Variants in IQCE observed in about 807,000 individuals in gnomAD.
The protein encoded by IQCE is IQ domain-containing protein E.
Under a neutral mutation model 96.0 loss-of-function variants are expected in IQCE, and 115 were observed. The ratio of observed to expected loss-of-function variants is 1.20; its 90% confidence interval spans 1.03 to 1.40. The LOEUF (loss-of-function observed/expected upper bound fraction) is 1.40. IQCE is among the 40% of genes most tolerant of loss of function. IQCE has a pLI of 0.00. For missense variants in IQCE, 1,041 were observed against 909.1 expected (o/e 1.15, Z -1.87); for synonymous variants, 412 against 371.2 (o/e 1.11, Z -1.26).
In IQCE at chr7:2,559,000, A is replaced by C. The variant is rs1182730532; in HGVS notation, c.-182A>C. ...CTCTGCGCACGCGCATGGTCGCCCC[A>C]GGGGGAACGCAGGTCGCTTACCCGG... On this transcript the variant is annotated 5_prime_UTR_variant, in exon 1 of 22. Transcript: ENST00000402050. 2 of 322,230 alleles carry C rather than the reference A, an allele frequency of 6.2e-6. No homozygotes were observed. Among genetic ancestry groups the C allele is most frequent in the Non-Finnish European group, 5.6e-6 (1 of 180,126 alleles). The allele number at this position is 322,230 out of a possible 1,614,324, so 20.0% of individuals were successfully genotyped here. A position where few individuals can be genotyped will look rare whatever the true frequency, so the allele number is the denominator to read the frequency against.
rs77267206 is a variant in IQCE, at chr7:2,610,131, C to T, written c.2057C>T (p.Pro686Leu). 0.017 allele frequency: 27,760 copies of T among 1,610,286 alleles called. 311 individuals carry two copies. Among genetic ancestry groups the T allele is most frequent in the South Asian group, 0.026 (2,376 of 90,998 alleles). ...GATTCCGACGATATTGTCATTGCACCGTCTCTGCCCACGAAGAACTTTCCA... is the reference window on the plus strand; with the variant it reads ...GATTCCGACGATATTGTCATTGCACTGTCTCTGCCCACGAAGAACTTTCCA... The part of the protein sequence containing the change: ...SDDSDDIVIA[P>L]SLPTKNFPV The change falls in exon 22 of 22, where the codon CCG (proline) becomes CTG (leucine). Residue 686 changes from proline to leucine, a missense_variant. Pro to Leu is a moderately conservative substitution (Grantham distance 98). Transcript: ENST00000402050.
Position 2,563,379 on chromosome 7 carries a change from G to GTGTGTGTGTGTA in IQCE, c.37-3726_37-3725insATGTGTGTGTGT, listed in dbSNP as rs1487510327. Among the ~76,000 whole-genome samples the GTGTGTGTGTGTA allele has an allele frequency of 2.8e-3, 410 of 147,730 alleles. 5 individuals carry two copies. The highest frequency in any genetic ancestry group is 0.015 in the South Asian group (65 of 4,480). ...GCCCAGCTAATTAATTTTTTGTTGTGTGTGTGTGTGTGTGTGTGTGTGTGT... is the reference window on the plus strand; with the variant it reads ...GCCCAGCTAATTAATTTTTTGTTGTGTGTGTGTGTGTATGTGTGTGTGTGTGTGTGTGTGTGT... On this transcript the variant is annotated intron_variant, in intron 1 of 21. Coordinates refer to ENST00000402050, the MANE Select transcript of IQCE (RefSeq NM_152558.5).
chr7:2,605,158 G>C (rs1262413902), intron 19 of IQCE, among the ~76,000 whole-genome samples, 167 bp downstream of exon 19: 2 of 152,204 alleles, frequency 1.3e-5, no homozygotes, highest in Non-Finnish European at 2.9e-5. Context: ...AGGCTTCTCT[G>C]CGCAGGCCCC....
At chr7:2,603,766 A>G (rs945855770) in intron 18 of IQCE, among the ~76,000 whole-genome samples, 2 of 150,108 alleles carry the variant, frequency 1.3e-5, no homozygotes, top group African/African-American at 4.9e-5. Flanking sequence ...CTCTTTTCCC[A>G]CCCTAGCTTT....
At chr7:2,594,820 G>A in intron 15 of IQCE, 66 bp from the exon 16 acceptor site, 1 of 1,156,312 alleles carries the variant, frequency 8.6e-7, no homozygotes, top group Non-Finnish European at 1.3e-6. Flanking sequence ...GCCCCACCCT[G>A]CCCTGTGCCG....
intron 18 of IQCE, 60 bp downstream of exon 18, chr7:2,601,524 G>A (rs749580800): frequency 1.7e-6 from 2 of 1,175,050 alleles, no homozygotes; most frequent in South Asian, 1.2e-5. Context: ...AAAAGTAGGT[G>A]AGGGGATATT....
chr7:2,562,988 C>CA (rs1781080352), intron 1 of IQCE, among the ~76,000 whole-genome samples: 1 of 152,098 alleles, frequency 6.6e-6, no homozygotes, highest in African/African-American at 2.4e-5. Context: ...AGCAGTGGCA[C>CA]AATCACAGCT....
intron 21 of IQCE, chr7:2,607,686 G>T (rs1158517656): frequency 2.7e-6 from 1 of 370,726 alleles, no homozygotes; most frequent in East Asian, 1.0e-4. Context: ...AGCAGGCCCT[G>T]CCTTTCTCTG....
chr7:2,578,548 C>A, intron 8 of IQCE, 22 bp downstream of exon 8: 1 of 1,613,580 alleles, frequency 6.2e-7, no homozygotes, highest in Non-Finnish European at 8.5e-7. Context: ...GTGTGCAGGA[C>A]AGAGCCTTTC....
chr7:2,562,228 C>T (rs1367754184), intron 1 of IQCE, among the ~76,000 whole-genome samples: 1 of 143,488 alleles, frequency 7.0e-6, no homozygotes, highest in Non-Finnish European at 1.5e-5. Flanking sequence ...CATTCTTGGT[C>T]TTGGGGTGTG....
chr7:2,565,711 T>C (rs1328233262), intron 1 of IQCE, among the ~76,000 whole-genome samples: 2 of 152,344 alleles, frequency 1.3e-5, no homozygotes, highest in East Asian at 3.9e-4. Flanking sequence ...ATAATTTCAA[T>C]ACACTTTGCT....
chr7:2,599,917 C>A (rs1784321051), intron 17 of IQCE, among the ~76,000 whole-genome samples: 1 of 152,134 alleles, frequency 6.6e-6, no homozygotes, highest in South Asian at 2.1e-4. Flanking sequence ...CCTCAGCCTC[C>A]CCAGTAGCTG....
At chr7:2,576,144 G>A (rs572472656) in intron 6 of IQCE, among the ~76,000 whole-genome samples, 18 of 152,284 alleles carry the variant, frequency 1.2e-4, no homozygotes, top group Non-Finnish European at 2.2e-4. Flanking sequence ...CCGCCCCCGC[G>A]GGGTGTGCAT....
rs1441370583 is a variant in IQCE, at chr7:2,612,247, T to A, written c.*2085T>A. 1.3e-4 allele frequency: 20 copies of A among 152,244 alleles called. No individual in the cohort carries two copies. Among genetic ancestry groups the A allele is most frequent in the Admixed American group, 1.3e-3 (20 of 15,280 alleles). 9.4% of individuals were successfully genotyped at this position (152,244 alleles called of 1,614,324 possible). On this transcript the variant is annotated 3_prime_UTR_variant, in exon 22 of 22. Coordinates refer to ENST00000402050, the MANE Select transcript of IQCE (RefSeq NM_152558.5). ...CTCTGGTGCAGCTGGGCTGCTCTTT[T>A]AAAAGCCAGCATCCATCTTGAAGCT...
intron 1 of IQCE, among the ~76,000 whole-genome samples, chr7:2,559,781 G>T (rs1424652084): frequency 1.3e-5 from 1 of 78,592 alleles, no homozygotes; most frequent in African/African-American, 4.0e-5. Context: ...GGGGGGGGGG[G>T]GCGGAGGGAC....
At position 2,570,339 on chromosome 7, in the gene IQCE, C is replaced by A. The variant is rs75579477; in HGVS notation, c.131-1187C>A. On this transcript the variant is annotated intron_variant, in intron 3 of 21. Coordinates refer to ENST00000402050, the MANE Select transcript of IQCE (RefSeq NM_152558.5). ...TTCCTGAGGAACCCTTCCTACTCGC[C>A]GATAAGCCCACACACTCTTAGGAGG... Among the ~76,000 whole-genome samples, 5 of 151,936 alleles carry A rather than the reference C, an allele frequency of 3.3e-5. 1 individual carries two copies. The Middle Eastern group carries it at 0.017, about 517-fold the overall frequency.
In IQCE at chr7:2,594,879, G is replaced by A. The variant is rs369344673; in HGVS notation, c.1350-7G>A. The A allele has an allele frequency of 3.2e-5, 51 of 1,603,816 alleles. No homozygotes were observed. In the African/African-American group the frequency reaches 3.8e-4, roughly 12 times the overall value. On this transcript the variant is annotated splice_region_variant and splice_polypyrimidine_tract_variant and intron_variant, in intron 15 of 21. Coordinates refer to ENST00000402050, the MANE Select transcript of IQCE (RefSeq NM_152558.5). Reference sequence around the variant, plus strand: ...GAGGTGTCTCATCTTTTCCCTTTCCGCCTTAGAGAGGAGATTCAGACACTT... The same window carrying A: ...GAGGTGTCTCATCTTTTCCCTTTCCACCTTAGAGAGGAGATTCAGACACTT...
At position 2,588,654 on chromosome 7, in the gene IQCE, G is replaced by GTTT. The variant is rs370704456; in HGVS notation, c.1044+803_1044+805dup. Among the ~76,000 whole-genome samples the GTTT allele has an allele frequency of 1.6e-3, 79 of 49,756 alleles. 11 individuals are homozygous for GTTT. The highest frequency in any genetic ancestry group is 1.8e-3 in the Non-Finnish European group (50 of 27,260). The allele number at this position is 49,756 out of a possible 152,430, so 32.6% of individuals were successfully genotyped here. A position where few individuals can be genotyped will look rare whatever the true frequency, so the allele number is the denominator to read the frequency against. Reference sequence around the variant, plus strand: ...AGACGTGAGCCACTGTGCCTGGCTGGTTTTTTTTTTTTTTTTTTTTTTTTT... The same window carrying GTTT: ...AGACGTGAGCCACTGTGCCTGGCTGGTTTTTTTTTTTTTTTTTTTTTTTTTTTT... On this transcript the variant is annotated intron_variant, in intron 13 of 21. Coordinates refer to ENST00000402050, the MANE Select transcript of IQCE (RefSeq NM_152558.5).
intron 1 of IQCE, among the ~76,000 whole-genome samples, chr7:2,561,643 G>A (rs1232269522): frequency 2.0e-5 from 3 of 151,550 alleles, no homozygotes; most frequent in Non-Finnish European, 2.9e-5. Context: ...GGATGGTCTC[G>A]ATCTCCTGAC....
Sources: gnomAD v4.1 joint callset for allele counts (sites outside exome capture counted in the v4.1 genomes callset) on GRCh38, gnomAD v4.1.1 for gene constraint, MANE v1.5 for transcripts, NCBI Gene and HGNC (gene_info 2026-07-23, HGNC 2026-07-21) for gene names.